The following FILIP1 variants were observed in gnomAD, a reference collection of about 807,000 sequenced individuals.
FILIP1 encodes the protein filamin A interacting protein 1.
In FILIP1, 61 loss-of-function variants were observed where a neutral mutation model predicts 102.1. That is an observed-to-expected ratio of 0.60 (90% CI 0.49 to 0.74). FILIP1 has a LOEUF of 0.74. Ranked by LOEUF, FILIP1 falls within the 30% of genes least tolerant of loss-of-function variation. The pLI, the probability that FILIP1 is intolerant of heterozygous loss-of-function variation, is 0.00. For missense variants in FILIP1, 1,314 were observed against 1,441.2 expected, an observed-to-expected ratio of 0.91 and a Z score of 1.43; for synonymous variants, 491 against 526.9, an observed-to-expected ratio of 0.93 and a Z score of 0.93.
At chr6:75,489,041 G>C (rs943852666) in intron 1 of FILIP1, among the ~76,000 whole-genome samples, 1 of 152,044 alleles carries the variant, frequency 6.6e-6, no homozygotes, top group Admixed American at 6.6e-5. Context: ...TCTAAGGAGA[G>C]AAATAAAGAA....
intron 2 of FILIP1, among the ~76,000 whole-genome samples, chr6:75,408,215 G>A (rs1251856960): frequency 5.9e-5 from 9 of 152,236 alleles, no homozygotes; most frequent in Admixed American, 3.3e-4. Flanking sequence ...AACCATCCCA[G>A]CTACTTCACG....
chr6:75,440,482 A>G (rs1315370283), intron 1 of FILIP1, among the ~76,000 whole-genome samples: 1 of 152,220 alleles, frequency 6.6e-6, no homozygotes, highest in East Asian at 1.9e-4. Flanking sequence ...TAGTATTAAA[A>G]GCCATGCAAC....
chr6:75,395,445 A>G (rs778911502), intron 2 of FILIP1, among the ~76,000 whole-genome samples: 5 of 151,994 alleles, frequency 3.3e-5, no homozygotes. Flanking sequence ...ATGCCCGGCT[A>G]ATTTTGTATT....
chr6:75,324,511 T>G (rs1282727888), intron 4 of FILIP1, among the ~76,000 whole-genome samples: 7 of 152,150 alleles, frequency 4.6e-5, no homozygotes, highest in Non-Finnish European at 4.4e-5. Flanking sequence ...ATAACCATAC[T>G]GCCAAAGGCA....
At chr6:75,420,724 T>G (rs189865517) in intron 1 of FILIP1, among the ~76,000 whole-genome samples, 193 of 152,332 alleles carry the variant, frequency 1.3e-3, no homozygotes, top group African/African-American at 4.5e-3. Flanking sequence ...CGTCTGACTA[T>G]TCCAACATGT....
chr6:75,392,852 C>T lies in FILIP1; in HGVS notation c.276+21845G>A, dbSNP rs541830200. On this transcript the variant is annotated intron_variant, in intron 2 of 5. Coordinates refer to ENST00000237172, the MANE Select transcript of FILIP1 (RefSeq NM_015687.5). ...AAAAACACGAGATTCTCTGCACAAG[C>T]TCTCTCTTTGCCTGGTGCCATCCAT... Among the ~76,000 whole-genome samples the T allele has an allele frequency of 3.3e-5, 5 of 152,274 alleles. No individual in the cohort carries two copies. The East Asian group carries it at 9.6e-4, about 29-fold the overall frequency.
chr6:75,465,796 C>T (rs1432785898), intron 1 of FILIP1, among the ~76,000 whole-genome samples: 1 of 152,140 alleles, frequency 6.6e-6, no homozygotes, highest in Non-Finnish European at 1.5e-5. Flanking sequence ...AACCCAAAAA[C>T]TTAAATCAGA....
chr6:75,452,360 T>C (rs1562619781), intron 1 of FILIP1, among the ~76,000 whole-genome samples: 1 of 152,102 alleles, frequency 6.6e-6, no homozygotes, highest in Non-Finnish European at 1.5e-5. Context: ...CATGCAGTGT[T>C]TGGTTTTTTG....
chr6:75,367,005 A>G (rs948874471), intron 2 of FILIP1, among the ~76,000 whole-genome samples: 4 of 152,196 alleles, frequency 2.6e-5, no homozygotes, highest in African/African-American at 9.7e-5. Flanking sequence ...GCAGGTATCT[A>G]TTTCAGTTTA....
chr6:75,474,073 C>T (rs1343098280), intron 1 of FILIP1, among the ~76,000 whole-genome samples: 1 of 152,078 alleles, frequency 6.6e-6, no homozygotes, highest in Non-Finnish European at 1.5e-5. Flanking sequence ...GTAGTTCATG[C>T]TTACTGTAGA....
At chr6:75,304,080 T>G (rs529240281), downstream of FILIP1, among the ~76,000 whole-genome samples, 14 of 152,114 alleles carry the variant, frequency 9.2e-5, no homozygotes, top group Admixed American at 7.8e-4. Flanking sequence ...AATATATATA[T>G]AGATATATGG....
chr6:75,415,341 C>T (rs906312391), intron 1 of FILIP1, among the ~76,000 whole-genome samples: 2 of 151,090 alleles, frequency 1.3e-5, no homozygotes, highest in Admixed American at 6.6e-5. Flanking sequence ...AGGGCATATG[C>T]GTATTAGCTT....
At chr6:75,369,238 T>C (rs1775439730) in intron 2 of FILIP1, among the ~76,000 whole-genome samples, 2 of 152,162 alleles carry the variant, frequency 1.3e-5, no homozygotes, top group Admixed American at 6.5e-5. Context: ...TGGAAGTGTT[T>C]GCCAGTTCCG....
intron 4 of FILIP1, among the ~76,000 whole-genome samples, chr6:75,351,995 A>C (rs1323850649): frequency 1.3e-5 from 2 of 152,218 alleles, no homozygotes; most frequent in Non-Finnish European, 2.9e-5. Flanking sequence ...AAACATAAAA[A>C]ACCATAAGTC....
At chr6:75,491,781 T>C (rs954249571) in intron 1 of FILIP1, among the ~76,000 whole-genome samples, 1 of 152,160 alleles carries the variant, frequency 6.6e-6, no homozygotes, top group Non-Finnish European at 1.5e-5. Flanking sequence ...AGAATAAATG[T>C]ACAACAATGA....
intron 1 of FILIP1, among the ~76,000 whole-genome samples, chr6:75,478,561 T>A (rs1448364415): frequency 2.6e-5 from 4 of 152,158 alleles, no homozygotes; most frequent in South Asian, 2.1e-4. Context: ...GATAGAGGCA[T>A]GATGATACAG....
chr6:75,432,084 A>C (rs370165816), intron 1 of FILIP1, among the ~76,000 whole-genome samples: 1 of 152,302 alleles, frequency 6.6e-6, no homozygotes, highest in Non-Finnish European at 1.5e-5. Context: ...CCTGTATTTG[A>C]TACACTGTTT....
At chr6:75,365,320 G>C (rs990499152) in intron 2 of FILIP1, among the ~76,000 whole-genome samples, 4 of 151,846 alleles carry the variant, frequency 2.6e-5, no homozygotes. Context: ...TAGAAGACAG[G>C]GTAGTAATAT....
chr6:75,366,955 TA>T (rs72178191), intron 2 of FILIP1, among the ~76,000 whole-genome samples: 2,777 of 152,312 alleles, frequency 0.018, 74 homozygotes, highest in East Asian at 0.11. Context: ...TGTTAGGCTC[TA>T]AACAAGATAA....
Sources: gnomAD v4.1 joint callset for allele counts (sites outside exome capture counted in the v4.1 genomes callset) on GRCh38, gnomAD v4.1.1 for gene constraint, MANE v1.5 for transcripts, NCBI Gene and HGNC (gene_info 2026-07-23, HGNC 2026-07-21) for gene names.